Variants in CWC27 observed in about 807,000 individuals in gnomAD.
CWC27 encodes CWC27 spliceosome associated cyclophilin, also known as spliceosome-associated protein CWC27 homolog.
A neutral mutation model predicts 63.6 loss-of-function variants in CWC27; 47 were observed. The ratio of observed to expected loss-of-function variants is 0.74; its 90% confidence interval spans 0.58 to 0.94. CWC27 has a LOEUF of 0.94. Ranked by LOEUF, CWC27 falls within the 40% of genes least tolerant of loss-of-function variation. CWC27 has a pLI of 0.00. For synonymous variants in CWC27, 175 were observed against 179.8 expected (o/e 0.97, Z 0.22); for missense variants, 495 against 554.3 (o/e 0.89, Z 1.07).
At chr5:64,900,604 A>G (rs1264943087) in intron 11 of CWC27, among the ~76,000 whole-genome samples, 3 of 151,916 alleles carry the variant, frequency 2.0e-5, no homozygotes, top group Non-Finnish European at 4.4e-5. Context: ...GAATCTAGTT[A>G]TTGGTTCTAA....
chr5:64,937,257 C>T (rs529062428), intron 11 of CWC27, among the ~76,000 whole-genome samples: 1 of 152,264 alleles, frequency 6.6e-6, no homozygotes, highest in East Asian at 1.9e-4. Context: ...TCCCTCTAAA[C>T]ACTGCTTTAG....
chr5:64,814,078 G>A (rs542032176), intron 10 of CWC27, among the ~76,000 whole-genome samples: 131 of 140,386 alleles, frequency 9.3e-4, no homozygotes, highest in African/African-American at 3.5e-3. Context: ...TTTTTTTTGC[G>A]ATTTTTTTTT....
intron 11 of CWC27, among the ~76,000 whole-genome samples, chr5:64,918,650 G>A (rs1337393234): frequency 6.6e-6 from 1 of 152,092 alleles, no homozygotes; most frequent in Non-Finnish European, 1.5e-5. Flanking sequence ...ATTATTCTAA[G>A]ATACAAAAAT....
intron 13 of CWC27, among the ~76,000 whole-genome samples, chr5:64,986,611 T>C (rs879458441): frequency 2.6e-5 from 4 of 152,220 alleles, no homozygotes; most frequent in Non-Finnish European, 4.4e-5. Flanking sequence ...AGAACTGGTA[T>C]AATTTCTTTC....
intron 11 of CWC27, among the ~76,000 whole-genome samples, chr5:64,937,918 C>G (rs184775022): frequency 2.3e-4 from 30 of 131,708 alleles, no homozygotes. Flanking sequence ...ATTGCAATCT[C>G]TGCTTTTTTT....
chr5:64,815,961 G>A (rs1745015040), intron 10 of CWC27, among the ~76,000 whole-genome samples: 1 of 152,150 alleles, frequency 6.6e-6, no homozygotes, highest in Non-Finnish European at 1.5e-5. Context: ...AGGAATAGGG[G>A]AGTTGTATAG....
At chr5:64,844,283 C>T (rs573261264) in intron 10 of CWC27, among the ~76,000 whole-genome samples, 1 of 152,324 alleles carries the variant, frequency 6.6e-6, no homozygotes, top group African/African-American at 2.4e-5. Context: ...ATAAAGGAGG[C>T]AGAGGTCATA....
Position 64,772,679 on chromosome 5 carries a change from T to C in CWC27, c.43-2012T>C, listed in dbSNP as rs531638476. On this transcript the variant is annotated intron_variant, in intron 1 of 13. Transcript: ENST00000381070. ...AAGTCCAGGCGCAGTGGCTCATGCC[T>C]GTAATCCCAGCACTTTGGGAGGCTG... is the stretch of plus-strand genomic sequence containing the variant. 3.7e-5 allele frequency among the ~76,000 whole-genome samples: 5 copies of C among 135,540 alleles called. No individual in the cohort carries two copies. In the South Asian group the frequency reaches 1.2e-3, roughly 31 times the overall value. 88.9% of individuals were successfully genotyped at this position (135,540 alleles called of 152,430 possible).
At chr5:64,942,242 TAGTA>T (rs1291685807) in intron 11 of CWC27, among the ~76,000 whole-genome samples, 1 of 151,350 alleles carries the variant, frequency 6.6e-6, no homozygotes, top group Admixed American at 6.6e-5. Context: ...CCAGGCAACA[TAGTA>T]AGACCCCCGT....
At chr5:64,780,721 G>A (rs1743653995) in intron 2 of CWC27, among the ~76,000 whole-genome samples, 1 of 141,806 alleles carries the variant, frequency 7.1e-6, no homozygotes, top group Non-Finnish European at 1.5e-5. Context: ...ACACACACCG[G>A]AATCATAATT....
intron 11 of CWC27, among the ~76,000 whole-genome samples, chr5:64,932,779 C>T (rs1748264580): frequency 6.6e-6 from 1 of 152,098 alleles, no homozygotes; most frequent in South Asian, 2.1e-4. Context: ...ATTTACTCAC[C>T]CATTGTAGAA....
chr5:65,000,839 A>AT (rs1439965007), intron 13 of CWC27, among the ~76,000 whole-genome samples: 2 of 151,666 alleles, frequency 1.3e-5, no homozygotes, highest in South Asian at 2.1e-4. Context: ...AAATTGTAGG[A>AT]TTTTTTTTCT....
chr5:64,831,816 G>A (rs1745529376), intron 10 of CWC27, among the ~76,000 whole-genome samples: 2 of 151,826 alleles, frequency 1.3e-5, no homozygotes, highest in South Asian at 4.1e-4. Context: ...AAAAAATTGA[G>A]TGGTTTTATT....
intron 11 of CWC27, among the ~76,000 whole-genome samples, chr5:64,970,801 G>C (rs1749111320): frequency 6.6e-6 from 1 of 152,016 alleles, no homozygotes; most frequent in Non-Finnish European, 1.5e-5. Flanking sequence ...CAAAATGGCT[G>C]ATTGTTAATA....
At chr5:64,840,557 CA>C (rs781476635) in intron 10 of CWC27, among the ~76,000 whole-genome samples, 47 of 150,628 alleles carry the variant, frequency 3.1e-4, no homozygotes, top group Admixed American at 7.3e-4. Context: ...AGGTTTTTTT[CA>C]GCTGAAGGTA....
intron 2 of CWC27, among the ~76,000 whole-genome samples, chr5:64,778,613 T>G (rs761904461): frequency 6.6e-6 from 1 of 152,212 alleles, no homozygotes; most frequent in Non-Finnish European, 1.5e-5. Flanking sequence ...ATCTTCAGAT[T>G]GACACTGTGC....
chr5:64,881,455 TTA>T (rs1241759687), intron 10 of CWC27, among the ~76,000 whole-genome samples: 5 of 152,128 alleles, frequency 3.3e-5, no homozygotes, highest in Non-Finnish European at 7.4e-5. Flanking sequence ...TAACATTCAT[TTA>T]TAATAAATAA....
chr5:64,871,025 C>T (rs1159106761), intron 10 of CWC27, among the ~76,000 whole-genome samples: 1 of 151,998 alleles, frequency 6.6e-6, no homozygotes, highest in East Asian at 1.9e-4. Context: ...AGCAATGATA[C>T]ATTTTGCCAG....
At chr5:64,860,248 A>T (rs966131564) in intron 10 of CWC27, among the ~76,000 whole-genome samples, 4 of 152,212 alleles carry the variant, frequency 2.6e-5, no homozygotes, top group Admixed American at 1.3e-4. Context: ...AAATTAATGG[A>T]AGAATTACAA....
Sources: allele counts gnomAD v4.1 joint callset (sites outside exome capture counted in the v4.1 genomes callset), GRCh38; gene constraint gnomAD v4.1.1; transcripts MANE v1.5; gene names NCBI Gene and HGNC (gene_info 2026-07-23, HGNC 2026-07-21).